The following HSF2BP variants were observed in gnomAD, a reference collection of about 807,000 sequenced individuals.
HSF2BP encodes heat shock transcription factor 2 binding protein.
In HSF2BP, 35 loss-of-function variants were observed where a neutral mutation model predicts 35.0. The observed-to-expected ratio is 1.00, with a 90% CI of 0.76 to 1.32. The LOEUF (loss-of-function observed/expected upper bound fraction) is 1.32, where lower values mean the gene tolerates loss of function less well. Ranked by LOEUF, HSF2BP falls within the 40% of genes most tolerant of loss-of-function variation. HSF2BP has a pLI of 0.00. For missense variants in HSF2BP, 326 were observed against 321.7 expected (o/e 1.01, Z -0.10); for synonymous variants, 114 against 117.4 (o/e 0.97, Z 0.18).
At chr21:43,585,397 C>A (rs2081835913) in intron 8 of HSF2BP, among the ~76,000 whole-genome samples, 1 of 152,124 alleles carries the variant, frequency 6.6e-6, no homozygotes, top group Non-Finnish European at 1.5e-5. Context: ...TTCCATCATA[C>A]CCCTGGCTCC....
chr21:43,609,696 G>A (rs1365102753), intron 7 of HSF2BP, among the ~76,000 whole-genome samples: 1 of 152,094 alleles, frequency 6.6e-6, no homozygotes, highest in Non-Finnish European at 1.5e-5. Context: ...TGAAAAGAGG[G>A]GAGAAGAGTG....
intron 7 of HSF2BP, among the ~76,000 whole-genome samples, chr21:43,612,317 T>C (rs1050945396): frequency 6.6e-5 from 10 of 151,816 alleles, no homozygotes; most frequent in Admixed American, 5.9e-4. Context: ...GACACAGGTG[T>C]TGGAAGCACC....
At chr21:43,591,981 G>A (rs568781541) in intron 8 of HSF2BP, among the ~76,000 whole-genome samples, 33 of 152,146 alleles carry the variant, frequency 2.2e-4, no homozygotes, top group Admixed American at 8.5e-4. Flanking sequence ...CAAGAGTAGC[G>A]GTGCTGGCTT....
chr21:43,629,395 A>G (rs140811396), intron 6 of HSF2BP, among the ~76,000 whole-genome samples: 6,232 of 152,186 alleles, frequency 0.041, 437 homozygotes, highest in African/African-American at 0.14. Flanking sequence ...GAGAAACCCC[A>G]TCTCTACTAA....
chr21:43,578,439 A>C (rs1163314106), intron 8 of HSF2BP, among the ~76,000 whole-genome samples: 1 of 151,866 alleles, frequency 6.6e-6, no homozygotes, highest in Non-Finnish European at 1.5e-5. Flanking sequence ...GAAAGGGAGG[A>C]TGGAGCCCGG....
At chr21:43,586,164 T>C (rs991882612) in intron 8 of HSF2BP, among the ~76,000 whole-genome samples, 1 of 152,190 alleles carries the variant, frequency 6.6e-6, no homozygotes, top group African/African-American at 2.4e-5. Context: ...ACCATCTCAA[T>C]ACACTCTGTC....
Position 43,592,301 on chromosome 21 carries a change from T to G in HSF2BP, c.720A>C (p.Val240=), listed in dbSNP as rs1266519369. ...ATTTCAAGCCTTTCAAATTGATGCT[T>G]ACATTGTATAGGGACATCAGCATTA... The part of the protein sequence containing the change: ...KVLMLMSLYN[V]SINLKGLKYI... The change falls in exon 8 of 9, where the codon GTA becomes GTC. Residue 240 remains valine, a synonymous_variant. Coordinates refer to ENST00000291560, the MANE Select transcript of HSF2BP (RefSeq NM_007031.2). 5 of 1,613,148 alleles carry G rather than the reference T, an allele frequency of 3.1e-6. No individual in the cohort carries two copies. The highest frequency in any genetic ancestry group is 1.6e-4 in the Middle Eastern group (1 of 6,082).
At chr21:43,584,056 G>A (rs1320014977) in intron 8 of HSF2BP, among the ~76,000 whole-genome samples, 1 of 133,304 alleles carries the variant, frequency 7.5e-6, no homozygotes, top group Non-Finnish European at 1.6e-5. Context: ...TGCCGAAGGA[G>A]ATGAAGGGCC....
At chr21:43,583,337 GCGGGAGATGAGTACCTGT>G (rs1191012664) in intron 8 of HSF2BP, among the ~76,000 whole-genome samples, 270 of 93,556 alleles carry the variant, frequency 2.9e-3, no homozygotes, top group East Asian at 3.9e-3. Context: ...AGGGCCTGCT[GCGGGAGATGAGTACCTGT>G]TGAGGGAGAT....
intron 4 of HSF2BP, among the ~76,000 whole-genome samples, chr21:43,634,529 G>A (rs528927550): frequency 6.6e-6 from 1 of 152,230 alleles, no homozygotes; most frequent in Admixed American, 6.5e-5. Flanking sequence ...ATAAATACAA[G>A]ACAAAGTAGA....
At position 43,633,413 on chromosome 21, in the gene HSF2BP, C is replaced by T; in HGVS notation, c.300G>A (p.Leu100=). ...CTTCATTCAACTGCTGTCGAAGAGC[C>T]AGTTTCTCCTAAAAGCAAAACAAAA... is the stretch of plus-strand genomic sequence containing the variant. ...ADNIREKKEK[L]ALRQQLNEAK... is the part of the protein sequence containing the mutation. Residue 100 remains leucine, a synonymous_variant, in exon 5 of 9, where the codon CTG becomes CTA. Coordinates refer to ENST00000291560, the MANE Select transcript of HSF2BP (RefSeq NM_007031.2). 6.2e-7 allele frequency: 1 copy of T among 1,607,800 alleles called. No individual in the cohort carries two copies.
At chr21:43,612,614 G>A (rs1368650575) in intron 7 of HSF2BP, among the ~76,000 whole-genome samples, 2 of 133,762 alleles carry the variant, frequency 1.5e-5, no homozygotes, top group Non-Finnish European at 3.0e-5. Context: ...TCACGCCACT[G>A]CACTCCAGCC....
At chr21:43,579,894 C>T (rs933777595) in intron 8 of HSF2BP, among the ~76,000 whole-genome samples, 2 of 152,200 alleles carry the variant, frequency 1.3e-5, no homozygotes, top group Non-Finnish European at 2.9e-5. Context: ...TCCAAACAGA[C>T]AGGAACAGTG....
chr21:43,655,480 T>C (rs1321692266), intron 3 of HSF2BP, among the ~76,000 whole-genome samples: 2 of 152,138 alleles, frequency 1.3e-5, no homozygotes, highest in African/African-American at 4.8e-5. Context: ...GCAACAGCCC[T>C]ACAGCCACAG....
In HSF2BP at chr21:43,644,297, C is replaced by G; in HGVS notation, c.283G>C (p.Glu95Gln). 1 of 1,613,590 alleles carries G rather than the reference C, an allele frequency of 6.2e-7. No individual in the cohort carries two copies. Among genetic ancestry groups the G allele is most frequent in the South Asian group, 1.1e-5 (1 of 91,074 alleles). The change falls in exon 4 of 9, where the codon GAG (glutamate) becomes CAG (glutamine). Residue 95 changes from glutamate (E) to glutamine (Q), a missense_variant. By Grantham distance (29) the Glu-to-Gln change is conservative (BLOSUM62 2). Transcript: ENST00000291560. ...GTCCCTGAGCATGGTACCTTCTTCT[C>G]TCTTATGTTGTCGGCCTGCACGGTT... ...LETVQADNIR[E>Q]KKEKLALRQQ...
intron 6 of HSF2BP, among the ~76,000 whole-genome samples, chr21:43,620,052 A>C (rs140325964): frequency 6.6e-6 from 1 of 152,378 alleles, no homozygotes; most frequent in East Asian, 1.9e-4. Flanking sequence ...AAGAGGCAGC[A>C]ACCTAGCAGA....
chr21:43,655,369 G>A (rs573569311), intron 3 of HSF2BP, among the ~76,000 whole-genome samples: 3 of 152,190 alleles, frequency 2.0e-5, no homozygotes, highest in East Asian at 3.9e-4. Flanking sequence ...GTGGGAAAGA[G>A]AAATCAACCC....
chr21:43,613,850 T>C lies in HSF2BP; in HGVS notation c.672A>G (p.Gly224=). The change falls in exon 7 of 9, where the codon GGA becomes GGG. Residue 224 remains glycine (G), a synonymous_variant. Coordinates refer to ENST00000291560, the MANE Select transcript of HSF2BP (RefSeq NM_007031.2). Reference sequence around the variant, plus strand: ...CATACACTTTGAGTTTGGTACACTGTCCTGGCTTCAAGTCTCCCAGAAGCT... The same window carrying C: ...CATACACTTTGAGTTTGGTACACTGCCCTGGCTTCAAGTCTCCCAGAAGCT... The part of the protein sequence containing the change: ...ILQLLGDLKP[G]QCTKLKVLML... The C allele has an allele frequency of 1.2e-6, 2 of 1,613,050 alleles. No individual in the cohort carries two copies. Among genetic ancestry groups the C allele is most frequent in the Non-Finnish European group, 1.7e-6 (2 of 1,179,098 alleles).
Position 43,636,120 on chromosome 21 carries a change from T to C in HSF2BP, c.292-2699A>G, listed in dbSNP as rs181880885. ...AGTAGGATCACTTGAGCCTGGAAGG[T>C]CGAAGCTGAAGTGAGCCATGATCAC... On this transcript the variant is annotated intron_variant, in intron 4 of 8. Coordinates refer to ENST00000291560, the MANE Select transcript of HSF2BP (RefSeq NM_007031.2). Among the ~76,000 whole-genome samples the C allele has an allele frequency of 2.1e-3, 300 of 146,216 alleles. 2 individuals carry two copies. The highest frequency in any genetic ancestry group is 7.0e-3 in the African/African-American group (278 of 39,440).
Sources: gnomAD v4.1 joint callset for allele counts (sites outside exome capture counted in the v4.1 genomes callset) on GRCh38, gnomAD v4.1.1 for gene constraint, MANE v1.5 for transcripts, NCBI Gene and HGNC (gene_info 2026-07-23, HGNC 2026-07-21) for gene names.